SRGAP1: variants seen among roughly 807,000 people sequenced by gnomAD.
SRGAP1 encodes the protein SLIT-ROBO Rho GTPase-activating protein 1.
SRGAP1 carries 43 observed loss-of-function variants against 121.9 expected under a neutral mutation model. That is an observed-to-expected ratio of 0.35 (90% CI 0.28 to 0.46). The LOEUF (loss-of-function observed/expected upper bound fraction) is 0.46. Among genes scored for constraint, SRGAP1 ranks in the 20% least tolerant of loss-of-function variants. The pLI, the probability that SRGAP1 is intolerant of heterozygous loss-of-function variation, is 1.00. For synonymous variants in SRGAP1, 447 were observed against 485.4 expected, an observed-to-expected ratio of 0.92 and a Z score of 1.04; for missense variants, 1,102 against 1,350.9, an observed-to-expected ratio of 0.82 and a Z score of 2.89.
chr12:63,983,972 A>G lies in SRGAP1; in HGVS notation c.93A>G (p.Gln31=). The part of the protein sequence containing the change: ...VKEIRAQLVE[Q]QKCLEQQTEM... ...AAATTCGAGCTCAACTGGTAGAACA[A>G]CAAAAATGCCTGGAGCAGCAAACGG... Residue 31 remains glutamine, a synonymous_variant, in exon 2 of 22, where the codon CAA becomes CAG. Transcript: ENST00000355086. 2 of 1,537,980 alleles carry G rather than the reference A, an allele frequency of 1.3e-6. No individual in the cohort carries two copies. The highest frequency in any genetic ancestry group is 1.8e-6 in the Non-Finnish European group (2 of 1,133,634).
chr12:64,110,335 C>CT (rs2036412163), intron 16 of SRGAP1, among the ~76,000 whole-genome samples: 1 of 152,142 alleles, frequency 6.6e-6, no homozygotes, highest in Non-Finnish European at 1.5e-5. Context: ...TAAGAAAGTT[C>CT]TCAAAACCTG....
chr12:64,055,880 T>C (rs1429246645), intron 6 of SRGAP1, among the ~76,000 whole-genome samples: 2 of 152,166 alleles, frequency 1.3e-5, no homozygotes, highest in Non-Finnish European at 2.9e-5. Flanking sequence ...TTAAGTACCA[T>C]CTGATGGCTC....
chr12:63,877,701 G>C (rs540121851), intron 1 of SRGAP1, among the ~76,000 whole-genome samples: 1 of 152,286 alleles, frequency 6.6e-6, no homozygotes, highest in African/African-American at 2.4e-5. Flanking sequence ...GATGTGTGGT[G>C]GTGTCTACTG....
At chr12:63,897,695 T>C (rs1023850020) in intron 1 of SRGAP1, among the ~76,000 whole-genome samples, 1 of 152,238 alleles carries the variant, frequency 6.6e-6, no homozygotes, top group African/African-American at 2.4e-5. Flanking sequence ...GCCTCTCAAC[T>C]TAGTAAAATG....
chr12:64,045,044 A>G (rs988648398), intron 6 of SRGAP1, among the ~76,000 whole-genome samples: 2 of 152,102 alleles, frequency 1.3e-5, no homozygotes, highest in Non-Finnish European at 2.9e-5. Flanking sequence ...TTATCCTATA[A>G]TATCATAATT....
chr12:64,076,669 CAG>C (rs1218814382), intron 8 of SRGAP1, among the ~76,000 whole-genome samples: 2 of 151,760 alleles, frequency 1.3e-5, no homozygotes, highest in Admixed American at 6.6e-5. Context: ...TTTTTTGAGA[CAG>C]AGTCTCACTT....
At chr12:64,077,833 C>T (rs992597989) in intron 8 of SRGAP1, among the ~76,000 whole-genome samples, 1 of 152,226 alleles carries the variant, frequency 6.6e-6, no homozygotes, top group East Asian at 1.9e-4. Flanking sequence ...GGAAAAACCA[C>T]AGCACAGTGG....
chr12:63,952,418 A>G (rs962817291), intron 1 of SRGAP1, among the ~76,000 whole-genome samples: 5 of 152,110 alleles, frequency 3.3e-5, no homozygotes, highest in African/African-American at 1.2e-4. Context: ...GGAGAGGCTG[A>G]GGTGGGAGGC....
chr12:63,908,089 G>A (rs1320915743), intron 1 of SRGAP1, among the ~76,000 whole-genome samples: 1 of 151,954 alleles, frequency 6.6e-6, no homozygotes, highest in African/African-American at 2.4e-5. Context: ...CCTTATGCCA[G>A]TACCACACTA....
At chr12:64,043,604 A>T in intron 6 of SRGAP1, 29 bp downstream of exon 6, 1 of 1,535,146 alleles carries the variant, frequency 6.5e-7, no homozygotes, top group East Asian at 2.3e-5. Flanking sequence ...TGTCTTTTCC[A>T]TATTAAAATG....
At chr12:64,025,535 A>G (rs937540842) in intron 4 of SRGAP1, among the ~76,000 whole-genome samples, 3 of 152,238 alleles carry the variant, frequency 2.0e-5, no homozygotes, top group Non-Finnish European at 2.9e-5. Context: ...GAGACAGACT[A>G]CAGAGGCCTG....
chr12:63,920,672 C>A (rs949575355), intron 1 of SRGAP1, among the ~76,000 whole-genome samples: 1 of 152,116 alleles, frequency 6.6e-6, no homozygotes. Context: ...ATAGTTCTGG[C>A]TTCTGTCAGT....
At chr12:63,876,778 G>A (rs1900042794) in intron 1 of SRGAP1, among the ~76,000 whole-genome samples, 2 of 152,158 alleles carry the variant, frequency 1.3e-5, no homozygotes, top group South Asian at 4.1e-4. Context: ...TTAGGATCAT[G>A]TAGTATTTAA....
At chr12:64,038,904 G>A (rs1032489424) in intron 4 of SRGAP1, 1 of 152,182 alleles carries the variant, frequency 6.6e-6, no homozygotes, top group Non-Finnish European at 1.5e-5. Context: ...AAAGGCTTGT[G>A]TTTGCATTAA....
At chr12:63,901,217 C>T (rs930276322) in intron 1 of SRGAP1, among the ~76,000 whole-genome samples, 1 of 152,150 alleles carries the variant, frequency 6.6e-6, no homozygotes, top group African/African-American at 2.4e-5. Flanking sequence ...ATGGTTTGTT[C>T]TTGCTTCTCC....
chr12:64,032,684 CAA>C (rs1346334248), intron 4 of SRGAP1: 3,233 of 161,898 alleles, frequency 0.02, no homozygotes, highest in Middle Eastern at 0.045. Context: ...GCTTTCAAAG[CAA>C]AAAAAAAAAA....
At chr12:63,901,398 A>G (rs1267945243) in intron 1 of SRGAP1, among the ~76,000 whole-genome samples, 1 of 152,206 alleles carries the variant, frequency 6.6e-6, no homozygotes, top group African/African-American at 2.4e-5. Context: ...TGATTTTGGT[A>G]CATGCTGAGC....
intron 1 of SRGAP1, among the ~76,000 whole-genome samples, chr12:63,858,822 C>T (rs950891528): frequency 5.3e-5 from 8 of 152,164 alleles, no homozygotes; most frequent in Non-Finnish European, 7.3e-5. Flanking sequence ...CCTGCCTCAA[C>T]CTCCCAAGTA....
At chr12:63,860,580 A>G (rs144652939) in intron 1 of SRGAP1, among the ~76,000 whole-genome samples, 1 of 152,178 alleles carries the variant, frequency 6.6e-6, no homozygotes, top group Non-Finnish European at 1.5e-5. Context: ...CTGACATAAA[A>G]TTGTTTACAG....
Sources: gnomAD v4.1 joint callset for allele counts (sites outside exome capture counted in the v4.1 genomes callset) on GRCh38, gnomAD v4.1.1 for gene constraint, MANE v1.5 for transcripts, NCBI Gene and HGNC (gene_info 2026-07-23, HGNC 2026-07-21) for gene names.